SLC16A12: variants seen among roughly 807,000 people sequenced by gnomAD.
SLC16A12 encodes solute carrier family 16 member 12.
In SLC16A12, 17 loss-of-function variants were observed where a neutral mutation model predicts 42.4. That is an observed-to-expected ratio of 0.40 (90% CI 0.27 to 0.60). SLC16A12 has a LOEUF of 0.60. Among genes scored for constraint, SLC16A12 ranks in the 20% least tolerant of loss-of-function variants. The probability of loss-of-function intolerance (pLI) is 0.42; values close to 1 mark genes in which losing one functional copy is unlikely to be tolerated. For missense variants in SLC16A12, 544 were observed against 623.0 expected, an observed-to-expected ratio of 0.87 and a Z score of 1.35; for synonymous variants, 224 against 229.4, an observed-to-expected ratio of 0.98 and a Z score of 0.21.
chr10:89,448,698 A>C (rs551460535), intron 3 of SLC16A12, among the ~76,000 whole-genome samples: 1 of 152,350 alleles, frequency 6.6e-6, no homozygotes, highest in East Asian at 1.9e-4. Flanking sequence ...AACTGGCACA[A>C]GACAGGGACG....
rs999797667 is a variant in SLC16A12 at position 89,531,696 on chromosome 10, A to G, written c.-47+2805T>C. On this transcript the variant is annotated intron_variant, in intron 2 of 7. Transcript: ENST00000371790. ...TGATAAGTGTCTATTATATGACCCA[A>G]CACAGCCTCAACTGGTTCCCAAGAG... Among the ~76,000 whole-genome samples the G allele has an allele frequency of 4.6e-5, 7 of 152,308 alleles. 2 individuals carry two copies. The highest frequency in any genetic ancestry group is 4.6e-4 in the Admixed American group (7 of 15,304).
chr10:89,470,382 G>A (rs1189015665), intron 2 of SLC16A12, among the ~76,000 whole-genome samples: 2 of 152,218 alleles, frequency 1.3e-5, no homozygotes, highest in East Asian at 1.9e-4. Context: ...AGCTGAGGGG[G>A]AAGTGCCAAG....
upstream of SLC16A12, among the ~76,000 whole-genome samples, chr10:89,536,272 A>T (rs969126807): frequency 6.6e-6 from 1 of 152,180 alleles, no homozygotes; most frequent in Non-Finnish European, 1.5e-5. Flanking sequence ...GGACCCTGCT[A>T]GCCAATCCTT....
At chr10:89,496,129 G>A (rs1842918946) in intron 2 of SLC16A12, among the ~76,000 whole-genome samples, 1 of 152,054 alleles carries the variant, frequency 6.6e-6, no homozygotes, top group Non-Finnish European at 1.5e-5. Context: ...AAGTGGGATG[G>A]GGGCTTTAGG....
In SLC16A12 at chr10:89,438,770, C is replaced by G. The variant is rs145964337; in HGVS notation, c.862G>C (p.Val288Leu). Residue 288 changes from valine (V) to leucine (L), a missense_variant, in exon 6 of 8, where the codon GTC (valine) becomes CTC (leucine). By Grantham distance (32) the Val-to-Leu change is conservative. Coordinates refer to ENST00000371790, the MANE Select transcript of SLC16A12 (RefSeq NM_213606.4). ...LLMSDFVVLA[V>L]SVLFMAYGCS... Reference sequence around the variant, plus strand: ...CCATAAGCCATAAACAGAACGGAGACGGCTAACACAACAAAGTCTGACATG... The same window carrying G: ...CCATAAGCCATAAACAGAACGGAGAGGGCTAACACAACAAAGTCTGACATG... 2 of 1,614,050 alleles carry G rather than the reference C, an allele frequency of 1.2e-6. No individual in the cohort carries two copies. The highest frequency in any genetic ancestry group is 2.7e-5 in the African/African-American group (2 of 74,934).
intron 2 of SLC16A12, among the ~76,000 whole-genome samples, chr10:89,469,070 A>T (rs999532689): frequency 1.9e-4 from 29 of 152,214 alleles, no homozygotes; most frequent in Admixed American, 1.9e-3. Context: ...CAGAGGTTGC[A>T]GTGAGCTGAG....
chr10:89,434,325 C>T (rs955781058), intron 7 of SLC16A12, among the ~76,000 whole-genome samples: 3 of 152,152 alleles, frequency 2.0e-5, no homozygotes, highest in Admixed American at 2.0e-4. Context: ...TAATGAGTAT[C>T]ATGTCTGATT....
chr10:89,440,758 G>T (rs1201694371), intron 5 of SLC16A12, among the ~76,000 whole-genome samples: 2 of 152,212 alleles, frequency 1.3e-5, no homozygotes, highest in Admixed American at 1.3e-4. Context: ...ACCGTCAATA[G>T]TATTTTAATG....
intron 2 of SLC16A12, among the ~76,000 whole-genome samples, chr10:89,502,510 T>G (rs1271278806): frequency 6.6e-6 from 1 of 152,062 alleles, no homozygotes; most frequent in Non-Finnish European, 1.5e-5. Context: ...AACTGAGAAC[T>G]AGATCTTGCA....
At position 89,523,992 on chromosome 10, in the gene SLC16A12, T is replaced by A. The variant is rs148210535; in HGVS notation, c.-47+10509A>T. On this transcript the variant is annotated intron_variant, in intron 2 of 7. Coordinates refer to ENST00000371790, the MANE Select transcript of SLC16A12 (RefSeq NM_213606.4). ...TCAACCTGTTTCATACCTCACTCTT[T>A]CCCTTTTCCTCAGGAAAAGACATCC... 9.8e-3 allele frequency among the ~76,000 whole-genome samples: 1,488 copies of A among 152,324 alleles called. 88 individuals carry two copies. Among genetic ancestry groups the A allele is most frequent in the Admixed American group, 0.089 (1,359 of 15,292 alleles).
intron 2 of SLC16A12, among the ~76,000 whole-genome samples, chr10:89,517,640 A>G (rs1436374043): frequency 1.3e-5 from 2 of 152,156 alleles, no homozygotes; most frequent in Admixed American, 6.5e-5. Flanking sequence ...GAATGTCATT[A>G]CTTTTTAAAT....
At chr10:89,543,154 T>C (rs1399379671) in intron 2 of SLC16A12, among the ~76,000 whole-genome samples, 1 of 152,268 alleles carries the variant, frequency 6.6e-6, no homozygotes, top group Non-Finnish European at 1.5e-5. Flanking sequence ...AGATGGATAG[T>C]TATATGATAA....
chr10:89,466,015 G>C (rs1425162523), intron 2 of SLC16A12, among the ~76,000 whole-genome samples: 1 of 152,148 alleles, frequency 6.6e-6, no homozygotes, highest in Non-Finnish European at 1.5e-5. Context: ...GCTAGTTTGA[G>C]GACAAAGTTA....
chr10:89,541,625 C>T (rs1056027332), intron 2 of SLC16A12, among the ~76,000 whole-genome samples: 1 of 152,160 alleles, frequency 6.6e-6, no homozygotes, highest in African/African-American at 2.4e-5. Context: ...TGAGCAGCTA[C>T]ATATCCCAGT....
chr10:89,544,411 T>C (rs1382926357), intron 2 of SLC16A12, among the ~76,000 whole-genome samples: 1 of 152,224 alleles, frequency 6.6e-6, no homozygotes, highest in Non-Finnish European at 1.5e-5. Context: ...CTACCCTTTT[T>C]GGATCCCATT....
intron 2 of SLC16A12, among the ~76,000 whole-genome samples, chr10:89,509,664 C>T (rs985665979): frequency 5.3e-5 from 8 of 152,116 alleles, no homozygotes; most frequent in African/African-American, 1.9e-4. Flanking sequence ...GGAAGCATTC[C>T]CTTTTAAAAC....
chr10:89,513,302 G>T lies in SLC16A12; in HGVS notation c.-47+21199C>A, dbSNP rs1423551409. On this transcript the variant is annotated intron_variant, in intron 2 of 7. Transcript: ENST00000371790. ...TTTAATGGTTGCAAAGTATTTGATT[G>T]TTTGAATGCACTGTAACTGACTTCA... is the stretch of plus-strand genomic sequence containing the variant. Among the ~76,000 whole-genome samples the T allele has an allele frequency of 2.6e-5, 4 of 152,212 alleles. No individual in the cohort carries two copies. The East Asian group carries it at 7.7e-4, about 29-fold the overall frequency.
In SLC16A12 at chr10:89,479,861, T is replaced by C. The variant is rs548336139; in HGVS notation, c.-46-17237A>G. On this transcript the variant is annotated intron_variant, in intron 2 of 7. Coordinates refer to ENST00000371790, the MANE Select transcript of SLC16A12 (RefSeq NM_213606.4). ...ATATCACGATAGTGTTGGAGAATAATAGTTATATCAAGTAGAACTTCATAA... is the reference window on the plus strand; with the variant it reads ...ATATCACGATAGTGTTGGAGAATAACAGTTATATCAAGTAGAACTTCATAA... Among the ~76,000 whole-genome samples, 7 of 152,340 alleles carry C rather than the reference T, an allele frequency of 4.6e-5. No homozygotes were observed. The South Asian group carries it at 1.4e-3, about 32-fold the overall frequency.
At chr10:89,440,574 T>G (rs888969457) in intron 5 of SLC16A12, among the ~76,000 whole-genome samples, 2 of 152,362 alleles carry the variant, frequency 1.3e-5, no homozygotes, top group East Asian at 1.9e-4. Flanking sequence ...ATTTATTGAA[T>G]GTACATGTTG....
Sources: gnomAD v4.1 joint callset for allele counts (sites outside exome capture counted in the v4.1 genomes callset) on GRCh38, gnomAD v4.1.1 for gene constraint, MANE v1.5 for transcripts, NCBI Gene and HGNC (gene_info 2026-07-23, HGNC 2026-07-21) for gene names.